TSNAXIP1: variants seen among roughly 807,000 people sequenced by gnomAD.
The protein encoded by TSNAXIP1 is translin associated factor X interacting protein 1.
In TSNAXIP1, 89 loss-of-function variants were observed where a neutral mutation model predicts 84.8. The observed-to-expected ratio is 1.05, with a 90% CI of 0.88 to 1.25. The LOEUF (loss-of-function observed/expected upper bound fraction) is 1.25, where lower values mean the gene tolerates loss of function less well. TSNAXIP1 is among the 50% of genes most tolerant of loss of function. TSNAXIP1 has a pLI of 0.00. For missense variants in TSNAXIP1, 874 were observed against 887.6 expected, an observed-to-expected ratio of 0.98 and a Z score of 0.20; for synonymous variants, 347 against 335.2, an observed-to-expected ratio of 1.04 and a Z score of -0.39.
At chr16:67,818,832 T>C (rs2056805607) in intron 2 of TSNAXIP1, among the ~76,000 whole-genome samples, 1 of 151,306 alleles carries the variant, frequency 6.6e-6, no homozygotes, top group Admixed American at 6.6e-5. Context: ...GCCTCCGAAA[T>C]AGCTGGGATT....
At chr16:67,822,337 A>G (rs2008173) in intron 4 of TSNAXIP1, among the ~76,000 whole-genome samples, 41,475 of 151,326 alleles carry the variant, frequency 0.27, 7,791 homozygotes, top group African/African-American at 0.54. Flanking sequence ...ATGTGGATCC[A>G]AAAGTCTCCT....
At chr16:67,818,374 A>G (rs2056764960) in intron 2 of TSNAXIP1, among the ~76,000 whole-genome samples, 2 of 152,012 alleles carry the variant, frequency 1.3e-5, no homozygotes, top group Non-Finnish European at 1.5e-5. Flanking sequence ...TAAATTAACC[A>G]GGAATGGTGG....
intron 1 of TSNAXIP1, among the ~76,000 whole-genome samples, chr16:67,811,068 C>G (rs558245429): frequency 9.5e-4 from 145 of 152,144 alleles, no homozygotes; most frequent in South Asian, 1.5e-3. Flanking sequence ...GCTATCCTCC[C>G]GCCTCTTAGC....
intron 4 of TSNAXIP1, among the ~76,000 whole-genome samples, chr16:67,821,944 C>CTGGGCA (rs2057090401): frequency 6.6e-6 from 1 of 151,690 alleles, no homozygotes; most frequent in African/African-American, 2.4e-5. Context: ...GAGATCATGC[C>CTGGGCA]ACTGCACTAC....
intron 15 of TSNAXIP1, 62 bp downstream of exon 15, chr16:67,827,641 C>A: frequency 3.1e-6 from 5 of 1,611,386 alleles, no homozygotes; most frequent in Middle Eastern, 1.7e-4. Flanking sequence ...CCTGGGTCTC[C>A]CTGTGCACCA....
chr16:67,825,230 C>G lies in TSNAXIP1; in HGVS notation c.772C>G (p.Leu258Val). 6.2e-7 allele frequency: 1 copy of G among 1,614,204 alleles called. No individual in the cohort carries two copies. The highest frequency in any genetic ancestry group is 8.5e-7 in the Non-Finnish European group (1 of 1,180,030). Residue 258 changes from leucine (L) to valine (V), a missense_variant, in exon 7 of 16, where the codon CTG (leucine) becomes GTG (valine). Coordinates refer to ENST00000561639, the MANE Select transcript of TSNAXIP1 (RefSeq NM_001288990.3). ...GATCCTCATCGCAGACCTGAATGAG[C>G]TGCGGTACCAGCGGGAGGACATGTC... The part of the protein sequence containing the change: ...CKILIADLNE[L>V]RYQREDMSLA...
chr16:67,823,532 C>T (rs2057218908), intron 4 of TSNAXIP1, 94 bp from the exon 5 acceptor site: 3 of 949,112 alleles, frequency 3.2e-6, no homozygotes, highest in Non-Finnish European at 4.9e-6. Context: ...GATGGAGCGA[C>T]ACTCCGTCTC....
chr16:67,817,825 G>A (rs2056710736), intron 2 of TSNAXIP1, among the ~76,000 whole-genome samples: 1 of 151,998 alleles, frequency 6.6e-6, no homozygotes. Context: ...GGTGGAGGTT[G>A]CAGTGAGCCA....
chr16:67,810,492 A>G (rs897908665), intron 1 of TSNAXIP1, among the ~76,000 whole-genome samples: 3 of 151,736 alleles, frequency 2.0e-5, no homozygotes, highest in African/African-American at 7.3e-5. Context: ...GGTGGTGCTC[A>G]CCTGCAATCC....
Position 67,820,922 on chromosome 16 carries a change from CT to C in TSNAXIP1, c.232del (p.Cys78ValfsTer9). ...GQTILQNRKP[C>X]SDDYRKRVGS... ...AGACCATTTTGCAAAATCGAAAACC[CT>C]GTTCAGATGACTACCGGAAGCGAGT... is the stretch of plus-strand genomic sequence containing the variant. On this transcript the variant is annotated frameshift_variant, in exon 3 of 16. Transcript: ENST00000561639. LOFTEE classifies it high-confidence loss of function. The C allele has an allele frequency of 6.2e-7, 1 of 1,604,686 alleles. No homozygotes were observed. Among genetic ancestry groups the C allele is most frequent in the Middle Eastern group, 1.7e-4 (1 of 6,002 alleles).
Position 67,826,811 on chromosome 16 carries a change from T to G in TSNAXIP1, c.1521T>G (p.Val507=). Residue 507 remains valine (V), a synonymous_variant, in exon 12 of 16, where the codon GTT becomes GTG. Coordinates refer to ENST00000561639, the MANE Select transcript of TSNAXIP1 (RefSeq NM_001288990.3). ...TCAAGATCTTCCACTCCAACGAGGT[T>G]ATGAGTCAGTTCTATGCAGTCTTGA... ...ENIKIFHSNE[V]MSQFYAVLMG... is the part of the protein sequence containing the mutation. 1.2e-6 allele frequency: 2 copies of G among 1,613,962 alleles called. No homozygotes were observed. Among genetic ancestry groups the G allele is most frequent in the Non-Finnish European group, 1.7e-6 (2 of 1,180,018 alleles).
intron 2 of TSNAXIP1, among the ~76,000 whole-genome samples, chr16:67,818,914 G>C (rs2056811988): frequency 6.6e-6 from 1 of 152,088 alleles, no homozygotes; most frequent in African/African-American, 2.4e-5. Flanking sequence ...ATGTTGGCCA[G>C]GCTGGCCTCA....
intron 1 of TSNAXIP1, among the ~76,000 whole-genome samples, chr16:67,811,526 C>T (rs975609228): frequency 2.0e-5 from 3 of 148,138 alleles, no homozygotes; most frequent in South Asian, 4.3e-4. Context: ...ACTGCAACCT[C>T]CCACTCCCAG....
chr16:67,826,974 T>C lies in TSNAXIP1; in HGVS notation c.1566T>C (p.Asn522=), dbSNP rs751578170. The change falls in exon 13 of 16, where the codon AAT becomes AAC. Residue 522 remains asparagine (N), a synonymous_variant. Transcript: ENST00000561639. ...YAVLMGKRSE[N]VYVTQKETVA... Reference sequence around the variant, plus strand: ...TTCTCTCCTTATAGCGGAGTGAGAATGTGTATGTCACCCAGAAGGAGACAG... The same window carrying C: ...TTCTCTCCTTATAGCGGAGTGAGAACGTGTATGTCACCCAGAAGGAGACAG... The C allele has an allele frequency of 1.2e-6, 2 of 1,614,064 alleles. No individual in the cohort carries two copies. The highest frequency in any genetic ancestry group is 1.1e-5 in the South Asian group (1 of 91,078).
chr16:67,809,666 G>A (rs980222894), intron 1 of TSNAXIP1, among the ~76,000 whole-genome samples: 8 of 151,898 alleles, frequency 5.3e-5, no homozygotes, highest in Admixed American at 3.9e-4. Flanking sequence ...AATACAGGCC[G>A]GGAGCAGTGA....
At chr16:67,823,558 G>C in intron 4 of TSNAXIP1, 68 bp from the exon 5 acceptor site, 1 of 1,344,508 alleles carries the variant, frequency 7.4e-7, no homozygotes, top group African/African-American at 1.4e-5. Context: ...AAAAGAAAAA[G>C]AAAAACAGTT....
intron 1 of TSNAXIP1, among the ~76,000 whole-genome samples, chr16:67,811,602 C>T (rs531884694): frequency 9.9e-5 from 15 of 151,784 alleles, no homozygotes; most frequent in Admixed American, 6.6e-4. Context: ...CCACCACACC[C>T]GGCTAATTTT....
chr16:67,827,107 C>T, intron 13 of TSNAXIP1, 35 bp downstream of exon 13: 1 of 1,609,606 alleles, frequency 6.2e-7, no homozygotes, highest in Non-Finnish European at 8.5e-7. Flanking sequence ...CCAACTCCTA[C>T]CCAACTATTC....
chr16:67,827,256 C>T lies in TSNAXIP1; in HGVS notation c.1672C>T (p.Leu558Phe). The stretch of plus-strand genomic sequence containing the variant: ...CTCATGTCTCCCCTACAGCACTGTC[C>T]TCAAGAGTACCTTCCCTCTCAAGAC... ...LLTMEQFNTV[L>F]KSTFPLKTEE... Residue 558 changes from leucine to phenylalanine, a missense_variant, in exon 14 of 16, where the codon CTC (leucine) becomes TTC (phenylalanine). Leu to Phe is a conservative substitution (Grantham distance 22). Coordinates refer to ENST00000561639, the MANE Select transcript of TSNAXIP1 (RefSeq NM_001288990.3). 6.2e-7 allele frequency: 1 copy of T among 1,614,182 alleles called. No homozygotes were observed. The highest frequency in any genetic ancestry group is 8.5e-7 in the Non-Finnish European group (1 of 1,180,032).
Sources: gnomAD v4.1 joint callset for allele counts (sites outside exome capture counted in the v4.1 genomes callset) on GRCh38, gnomAD v4.1.1 for gene constraint, MANE v1.5 for transcripts, NCBI Gene and HGNC (gene_info 2026-07-23, HGNC 2026-07-21) for gene names.